TAFA5: variants seen among roughly 807,000 people sequenced by gnomAD.
TAFA5 encodes the protein TAFA chemokine like family member 5, also known as chemokine-like protein TAFA-5.
A neutral mutation model predicts 15.3 loss-of-function variants in TAFA5; 6 were observed. The observed-to-expected ratio is 0.39, with a 90% confidence interval of 0.21 to 0.77. The LOEUF (loss-of-function observed/expected upper bound fraction) is 0.77. Among genes scored for constraint, TAFA5 ranks in the 30% least tolerant of loss-of-function variants. TAFA5 has a pLI of 0.41. For missense variants in TAFA5, 161 were observed against 193.1 expected (o/e 0.83, Z 0.98); for synonymous variants, 103 against 80.7 (o/e 1.28, Z -1.48).
At chr22:48,594,125 G>A (rs988977020) in intron 1 of TAFA5, among the ~76,000 whole-genome samples, 3 of 152,194 alleles carry the variant, frequency 2.0e-5, no homozygotes, top group African/African-American at 7.2e-5. Flanking sequence ...GAGTGGCCCT[G>A]TGTTTGCACT....
intron 1 of TAFA5, among the ~76,000 whole-genome samples, chr22:48,613,191 G>C (rs1365586202): frequency 2.6e-5 from 4 of 152,208 alleles, no homozygotes; most frequent in African/African-American, 9.7e-5. Context: ...CGGCTGTTCT[G>C]AGTCACGCCG....
At chr22:48,505,249 G>A (rs1315288329) in intron 1 of TAFA5, among the ~76,000 whole-genome samples, 1 of 152,208 alleles carries the variant, frequency 6.6e-6, no homozygotes, top group Non-Finnish European at 1.5e-5. Flanking sequence ...CTGTGGAGGG[G>A]TCACCCTGCG....
intron 2 of TAFA5, among the ~76,000 whole-genome samples, chr22:48,675,843 CCCTGAAG>C (rs1569074766): frequency 6.6e-6 from 1 of 152,262 alleles, no homozygotes; most frequent in Non-Finnish European, 1.5e-5. Context: ...AGGAGTGCAG[CCCTGAAG>C]CCTGAAGGCC....
intron 2 of TAFA5, among the ~76,000 whole-genome samples, chr22:48,703,912 A>T (rs1928995698): frequency 6.6e-6 from 1 of 152,166 alleles, no homozygotes; most frequent in Non-Finnish European, 1.5e-5. Flanking sequence ...AGATGCAGAA[A>T]CATCTCCCTG....
chr22:48,673,052 C>A (rs1927850131), intron 2 of TAFA5, among the ~76,000 whole-genome samples: 1 of 152,178 alleles, frequency 6.6e-6, no homozygotes, highest in South Asian at 2.1e-4. Context: ...TGCACCAGTG[C>A]CTCCAAATCT....
At chr22:48,715,865 G>C (rs1362830267) in intron 3 of TAFA5, among the ~76,000 whole-genome samples, 3 of 152,250 alleles carry the variant, frequency 2.0e-5, no homozygotes, top group African/African-American at 7.2e-5. Context: ...TTAAAGGAGT[G>C]TCGAGAAGCC....
intron 1 of TAFA5, among the ~76,000 whole-genome samples, chr22:48,595,888 C>A (rs1008156323): frequency 6.6e-6 from 1 of 152,252 alleles, no homozygotes; most frequent in Non-Finnish European, 1.5e-5. Flanking sequence ...TTATGCAAAA[C>A]AATCTGTAAG....
intron 1 of TAFA5, among the ~76,000 whole-genome samples, chr22:48,585,440 C>A (rs946068394): frequency 3.4e-5 from 5 of 148,582 alleles, no homozygotes; most frequent in African/African-American, 1.2e-4. Flanking sequence ...CACACACATG[C>A]CACATCCCAC....
intron 3 of TAFA5, among the ~76,000 whole-genome samples, chr22:48,708,348 C>T (rs1241608624): frequency 6.6e-6 from 1 of 152,198 alleles, no homozygotes; most frequent in Non-Finnish European, 1.5e-5. Flanking sequence ...ACCCGGAGGG[C>T]CCTTCAGCTC....
chr22:48,703,453 T>C (rs572209764), intron 2 of TAFA5, among the ~76,000 whole-genome samples: 1 of 152,120 alleles, frequency 6.6e-6, no homozygotes, highest in African/African-American at 2.4e-5. Flanking sequence ...CTGGAGAGGG[T>C]GTGTGTCCAA....
Position 48,646,668 on chromosome 22 carries a change from G to T in TAFA5, c.184G>T (p.Ala62Ser). Residue 62 changes from alanine to serine, a missense_variant, in exon 2 of 4, where the codon GCC (alanine) becomes TCC (serine). Transcript: ENST00000402357. ...CAGCAGCCAGCCTCGGAGGACGATCGCCCGGCAGACCGCCCGCTGTGCGTG... is the reference window on the plus strand; with the variant it reads ...CAGCAGCCAGCCTCGGAGGACGATCTCCCGGCAGACCGCCCGCTGTGCGTG... ...RDSSQPRRTI[A>S]RQTARCACRK... 6.2e-7 allele frequency: 1 copy of T among 1,611,904 alleles called. No individual in the cohort carries two copies. Among genetic ancestry groups the T allele is most frequent in the Non-Finnish European group, 8.5e-7 (1 of 1,179,734 alleles).
At chr22:48,687,323 G>C (rs1404970826) in intron 2 of TAFA5, among the ~76,000 whole-genome samples, 4 of 150,426 alleles carry the variant, frequency 2.7e-5, no homozygotes, top group Non-Finnish European at 4.4e-5. Flanking sequence ...TGAATGGATG[G>C]TGGACAGGTG....
In TAFA5 at chr22:48,557,071, C is replaced by T. The variant is rs148544311; in HGVS notation, c.112+67367C>T. Among the ~76,000 whole-genome samples the T allele has an allele frequency of 6.8e-4, 104 of 152,312 alleles. 1 individual carries two copies. Among genetic ancestry groups the T allele is most frequent in the Admixed American group, 2.3e-3 (35 of 15,306 alleles). On this transcript the variant is annotated intron_variant, in intron 1 of 3. Coordinates refer to ENST00000402357, the MANE Select transcript of TAFA5 (RefSeq NM_001082967.3). ...GGAGGCCCGCAGGGAGCGGGGAGTGCGCCCAGGTCTGGGGTTCAGGGCCGG... is the reference window on the plus strand; with the variant it reads ...GGAGGCCCGCAGGGAGCGGGGAGTGTGCCCAGGTCTGGGGTTCAGGGCCGG...
intron 1 of TAFA5, among the ~76,000 whole-genome samples, chr22:48,595,299 C>T (rs1271645591): frequency 1.3e-5 from 2 of 152,236 alleles, no homozygotes; most frequent in African/African-American, 4.8e-5. Context: ...AGACATGGTT[C>T]CCCAAATGGT....
intron 1 of TAFA5, chr22:48,539,105 A>G (rs1412625939): frequency 3.8e-6 from 1 of 260,692 alleles, no homozygotes; most frequent in African/African-American, 2.2e-5. Context: ...TGCTGGCTGA[A>G]TCCCGGGGAG....
At position 48,551,813 on chromosome 22, in the gene TAFA5, C is replaced by T. The variant is rs142359508; in HGVS notation, c.112+62109C>T. On this transcript the variant is annotated intron_variant, in intron 1 of 3. Transcript: ENST00000402357. The stretch of plus-strand genomic sequence containing the variant: ...CTCCAGGAGAGCCGCACCTCTGCCC[C>T]GCCCGCTCCCCTGGCTGGCCCAGGA... Among the ~76,000 whole-genome samples the T allele has an allele frequency of 2.3e-3, 350 of 152,326 alleles. 4 individuals are homozygous for T. The highest frequency in any genetic ancestry group is 7.9e-3 in the African/African-American group (328 of 41,572).
chr22:48,747,279 G>A (rs1930355964), intron 3 of TAFA5, among the ~76,000 whole-genome samples: 1 of 152,228 alleles, frequency 6.6e-6, no homozygotes, highest in Non-Finnish European at 1.5e-5. Flanking sequence ...TCTGCATGGT[G>A]ATTTGAACAG....
intron 2 of TAFA5, among the ~76,000 whole-genome samples, chr22:48,696,408 C>G (rs1278455851): frequency 6.6e-6 from 1 of 152,212 alleles, no homozygotes; most frequent in East Asian, 1.9e-4. Flanking sequence ...ATCCTTCCCT[C>G]CTTTCCTCCC....
intron 1 of TAFA5, among the ~76,000 whole-genome samples, chr22:48,536,422 A>T (rs1347334887): frequency 6.6e-6 from 1 of 152,246 alleles, no homozygotes; most frequent in Admixed American, 6.5e-5. Flanking sequence ...CAGCCCTGAC[A>T]GCGTGTCAGC....
Sources: gnomAD v4.1 joint callset for allele counts (sites outside exome capture counted in the v4.1 genomes callset) on GRCh38, gnomAD v4.1.1 for gene constraint, MANE v1.5 for transcripts, NCBI Gene and HGNC (gene_info 2026-07-23, HGNC 2026-07-21) for gene names.